The following FOXN3 variants were observed in gnomAD, a reference collection of about 807,000 sequenced individuals.
FOXN3 encodes forkhead box protein N3.
Under a neutral mutation model 38.4 loss-of-function variants are expected in FOXN3, and 7 were observed. That is an observed-to-expected ratio of 0.18 (90% confidence interval 0.10 to 0.34). The LOEUF is 0.34. Among genes scored for constraint, FOXN3 ranks in the 10% least tolerant of loss-of-function variants. The pLI, the probability that FOXN3 is intolerant of heterozygous loss-of-function variation, is 1.00. For synonymous variants in FOXN3, 230 were observed against 242.2 expected (o/e 0.95, Z 0.47); for missense variants, 456 against 613.4 (o/e 0.74, Z 2.71).
intron 3 of FOXN3, among the ~76,000 whole-genome samples, chr14:89,324,576 T>C (rs148616597): frequency 4.6e-4 from 70 of 151,892 alleles, no homozygotes; most frequent in Non-Finnish European, 6.9e-4. Context: ...GGAGAGAATA[T>C]AGGAATACAG....
intron 1 of FOXN3, among the ~76,000 whole-genome samples, chr14:89,497,079 C>T (rs916681078): frequency 8.5e-5 from 13 of 152,056 alleles, no homozygotes; most frequent in African/African-American, 1.2e-4. Flanking sequence ...CTCAGTCTCC[C>T]GAGTAGCTGG....
chr14:89,242,745 G>A (rs1885177195), intron 4 of FOXN3, among the ~76,000 whole-genome samples: 1 of 152,160 alleles, frequency 6.6e-6, no homozygotes, highest in South Asian at 2.1e-4. Context: ...AGGGGAGCAA[G>A]AAGTGTATCC....
rs954676898 is a variant in FOXN3, at chr14:89,543,455, A to G, written c.-15+75573T>C. Among the ~76,000 whole-genome samples the G allele has an allele frequency of 9.8e-5, 15 of 152,320 alleles. 1 individual carries two copies. The highest frequency in any genetic ancestry group is 2.6e-4 in the Admixed American group (4 of 15,298). On this transcript the variant is annotated intron_variant, in intron 1 of 6. Transcript: ENST00000345097. ...AGAAACACGGTGCTGGGTTATTAAAAAAACAAAAACAAAAAAACCCCGACC... is the reference window on the plus strand; with the variant it reads ...AGAAACACGGTGCTGGGTTATTAAAGAAACAAAAACAAAAAAACCCCGACC...
At chr14:89,437,346 C>T (rs1596273228) in intron 1 of FOXN3, among the ~76,000 whole-genome samples, 2 of 152,084 alleles carry the variant, frequency 1.3e-5, no homozygotes, top group African/African-American at 4.8e-5. Flanking sequence ...ACATGACACC[C>T]GCTGAGCTCT....
At chr14:89,241,682 G>GT (rs1566936949) in intron 4 of FOXN3, among the ~76,000 whole-genome samples, 1 of 152,156 alleles carries the variant, frequency 6.6e-6, no homozygotes. Context: ...ATTATAAATA[G>GT]TTTTTTGGGA....
At chr14:89,453,088 A>G (rs538018044) in intron 1 of FOXN3, among the ~76,000 whole-genome samples, 1 of 152,048 alleles carries the variant, frequency 6.6e-6, no homozygotes, top group Non-Finnish European at 1.5e-5. Context: ...AATCCCAGAT[A>G]CTCATGAGGC....
intron 4 of FOXN3, among the ~76,000 whole-genome samples, chr14:89,263,339 T>C (rs1428091234): frequency 6.6e-6 from 1 of 152,010 alleles, no homozygotes; most frequent in African/African-American, 2.4e-5. Context: ...AACCTAACTC[T>C]CTGGCAATGA....
At chr14:89,199,030 T>C (rs1012011795) in intron 4 of FOXN3, among the ~76,000 whole-genome samples, 1 of 152,254 alleles carries the variant, frequency 6.6e-6, no homozygotes, top group African/African-American at 2.4e-5. Flanking sequence ...TTGGCTTCTG[T>C]TGCAATCAAT....
At chr14:89,248,368 CAGG>C (rs779976813) in intron 4 of FOXN3, among the ~76,000 whole-genome samples, 2 of 152,212 alleles carry the variant, frequency 1.3e-5, no homozygotes, top group African/African-American at 2.4e-5. Context: ...TTTCCACCAA[CAGG>C]AGCAAATGAT....
chr14:89,268,025 A>C (rs1234151379), intron 4 of FOXN3, among the ~76,000 whole-genome samples: 1 of 152,162 alleles, frequency 6.6e-6, no homozygotes, highest in Non-Finnish European at 1.5e-5. Flanking sequence ...ATACATACAC[A>C]CACATACACA....
chr14:89,511,216 T>C (rs145579070), intron 1 of FOXN3, among the ~76,000 whole-genome samples: 2 of 12,712 alleles, frequency 1.6e-4, no homozygotes, highest in Admixed American at 2.0e-3. Context: ...TCTTTCTTTC[T>C]TTCTTTCTTT....
intron 1 of FOXN3, among the ~76,000 whole-genome samples, chr14:89,471,893 G>A (rs1893103020): frequency 6.6e-6 from 1 of 152,178 alleles, no homozygotes; most frequent in African/African-American, 2.4e-5. Context: ...TTCGATCCAG[G>A]AATGGGAATA....
intron 2 of FOXN3, among the ~76,000 whole-genome samples, chr14:89,407,561 C>T (rs760311562): frequency 6.6e-6 from 1 of 152,118 alleles, no homozygotes; most frequent in Non-Finnish European, 1.5e-5. Flanking sequence ...CTGGGTGCAG[C>T]GACTCATGCC....
chr14:89,242,495 T>G (rs1694773822), intron 4 of FOXN3, among the ~76,000 whole-genome samples: 1 of 152,174 alleles, frequency 6.6e-6, no homozygotes, highest in African/African-American at 2.4e-5. Context: ...TTTGTGGCAT[T>G]ACCTTTATTT....
chr14:89,482,373 C>A (rs1041081652), intron 1 of FOXN3, among the ~76,000 whole-genome samples: 1 of 152,182 alleles, frequency 6.6e-6, no homozygotes, highest in African/African-American at 2.4e-5. Context: ...GTAATCCCAG[C>A]ACTTTGGGAG....
chr14:89,319,914 C>T (rs140937044), intron 3 of FOXN3, among the ~76,000 whole-genome samples: 66 of 152,298 alleles, frequency 4.3e-4, no homozygotes, highest in African/African-American at 1.5e-3. Flanking sequence ...GCTAATAGGT[C>T]TCGAGGTTGC....
At chr14:89,558,042 T>C (rs1345692040) in intron 1 of FOXN3, among the ~76,000 whole-genome samples, 1 of 152,044 alleles carries the variant, frequency 6.6e-6, no homozygotes, top group Admixed American at 6.6e-5. Flanking sequence ...AATTAGGTAC[T>C]AAGCCAATAC....
At chr14:89,570,397 C>T (rs73315210) in intron 1 of FOXN3, among the ~76,000 whole-genome samples, 2,621 of 152,178 alleles carry the variant, frequency 0.017, 70 homozygotes, top group African/African-American at 0.06. Flanking sequence ...CACAGCTGCT[C>T]CACCCAAGCA....
chr14:89,444,007 C>CCA (rs1555354179), intron 1 of FOXN3, among the ~76,000 whole-genome samples: 3 of 67,638 alleles, frequency 4.4e-5, no homozygotes, highest in Admixed American at 4.0e-4. Flanking sequence ...GAAACTCTGT[C>CCA]AAAAAAAAAA....
Sources: gnomAD v4.1 joint callset for allele counts (sites outside exome capture counted in the v4.1 genomes callset) on GRCh38, gnomAD v4.1.1 for gene constraint, MANE v1.5 for transcripts, NCBI Gene and HGNC (gene_info 2026-07-23, HGNC 2026-07-21) for gene names.